SOX5: variants seen among roughly 807,000 people sequenced by gnomAD.
The protein encoded by SOX5 is transcription factor SOX-5.
In SOX5, 9 loss-of-function variants were observed where a neutral mutation model predicts 92.0. The ratio of observed to expected loss-of-function variants is 0.10; its 90% CI spans 0.06 to 0.17. The LOEUF is 0.17. Among genes scored for constraint, SOX5 ranks in the 10% least tolerant of loss-of-function variants. The probability of loss-of-function intolerance (pLI) is 1.00; values close to 1 mark genes in which losing one functional copy is unlikely to be tolerated. For missense variants in SOX5, 642 were observed against 944.5 expected (o/e 0.68, Z 4.20); for synonymous variants, 344 against 336.3 (o/e 1.02, Z -0.25).
chr12:23,924,320 A>T (rs1939321800), intron 1 of SOX5, among the ~76,000 whole-genome samples: 1 of 152,156 alleles, frequency 6.6e-6, no homozygotes, highest in African/African-American at 2.4e-5. Flanking sequence ...CTGTTGTAGC[A>T]ATTCTTCCTG....
intron 11 of SOX5, among the ~76,000 whole-genome samples, chr12:23,560,640 T>C (rs1946047332): frequency 6.6e-6 from 1 of 152,244 alleles, no homozygotes; most frequent in Non-Finnish European, 1.5e-5. Flanking sequence ...GCTCATATTT[T>C]CTGGTTTAAT....
chr12:24,501,110 G>T (rs948218210), intron 1 of SOX5, among the ~76,000 whole-genome samples: 1 of 152,134 alleles, frequency 6.6e-6, no homozygotes, highest in Non-Finnish European at 1.5e-5. Context: ...ATAAAAACAA[G>T]CAAGGCAGAG....
intron 4 of SOX5, among the ~76,000 whole-genome samples, chr12:24,068,812 T>C (rs1223218524): frequency 2.0e-5 from 3 of 148,004 alleles, no homozygotes; most frequent in African/African-American, 5.0e-5. Flanking sequence ...CACCACTATA[T>C]ACATAAGGCA....
At chr12:23,604,134 C>A in intron 9 of SOX5, 1 of 385,276 alleles carries the variant, frequency 2.6e-6, no homozygotes, top group Non-Finnish European at 4.8e-6. Flanking sequence ...ACAAGATACC[C>A]ATCTGATAAT....
chr12:24,470,595 T>C (rs1944707811), intron 1 of SOX5, among the ~76,000 whole-genome samples: 1 of 152,110 alleles, frequency 6.6e-6, no homozygotes, highest in Non-Finnish European at 1.5e-5. Context: ...TCATTTTCAT[T>C]TGGGAAAATT....
chr12:24,124,410 C>G lies in SOX5; in HGVS notation c.-2+88933G>C, dbSNP rs190274937. On this transcript the variant is annotated intron_variant, in intron 4 of 4. Transcript: ENST00000446891. ...AAAACCATTCACGGAGAAGTTCACA[C>G]AAGAGGGTGAAAAGTCAAATGCTTG... 2.0e-5 allele frequency among the ~76,000 whole-genome samples: 3 copies of G among 152,220 alleles called. No individual in the cohort carries two copies. In the East Asian group the frequency reaches 5.8e-4, roughly 29 times the overall value.
At chr12:24,425,969 T>C (rs760143788) in intron 1 of SOX5, among the ~76,000 whole-genome samples, 31 of 152,162 alleles carry the variant, frequency 2.0e-4, no homozygotes, top group Non-Finnish European at 3.4e-4. Flanking sequence ...AGTGCGGTCA[T>C]ATGTTTAGCC....
intron 4 of SOX5, among the ~76,000 whole-genome samples, chr12:24,105,279 G>A (rs1425542686): frequency 1.3e-5 from 2 of 152,060 alleles, no homozygotes; most frequent in South Asian, 2.1e-4. Flanking sequence ...GGTGGCTCAC[G>A]CCTGTAATCC....
At chr12:24,270,078 T>C (rs1486413583) in intron 3 of SOX5, among the ~76,000 whole-genome samples, 8 of 152,030 alleles carry the variant, frequency 5.3e-5, no homozygotes, top group Admixed American at 5.2e-4. Context: ...TTTTCTTTTT[T>C]TGAGACAGAG....
At chr12:23,971,263 C>T (rs1335518158) in intron 4 of SOX5, among the ~76,000 whole-genome samples, 1 of 150,938 alleles carries the variant, frequency 6.6e-6, no homozygotes, top group Non-Finnish European at 1.5e-5. Context: ...GCTGGGACTA[C>T]AGGTGCCCGC....
chr12:24,181,286 G>A (rs1340629883), intron 4 of SOX5, among the ~76,000 whole-genome samples: 1 of 152,158 alleles, frequency 6.6e-6, no homozygotes, highest in Non-Finnish European at 1.5e-5. Flanking sequence ...CTTAACTTTG[G>A]TTGGATTCTC....
chr12:24,158,439 GA>G (rs1011111055), intron 4 of SOX5, among the ~76,000 whole-genome samples: 2 of 151,580 alleles, frequency 1.3e-5, no homozygotes, highest in South Asian at 2.1e-4. Flanking sequence ...ATACATATTT[GA>G]AAAAAAGTCT....
intron 4 of SOX5, among the ~76,000 whole-genome samples, chr12:23,983,181 G>C (rs1348918889): frequency 6.6e-6 from 1 of 151,612 alleles, no homozygotes; most frequent in African/African-American, 2.4e-5. Flanking sequence ...TTAAAAATGG[G>C]CAGATGCCAT....
intron 7 of SOX5, among the ~76,000 whole-genome samples, chr12:23,643,557 T>C (rs374397489): frequency 9.9e-5 from 15 of 152,184 alleles, no homozygotes; most frequent in Admixed American, 2.6e-4. Context: ...GAGTTAACCA[T>C]AGATTAAAAA....
rs146301624 is a variant in SOX5 at position 24,440,191 on chromosome 12, T to C, written c.-250-71552A>G. On this transcript the variant is annotated intron_variant, in intron 1 of 4. Transcript: ENST00000446891. ...CTGGCTCTTATGGTTTAAATTTGGA[T>C]GGGTGCCTCAGAGATTAGCCTCACA... Among the ~76,000 whole-genome samples, 202 of 152,308 alleles carry C rather than the reference T, an allele frequency of 1.3e-3. 1 individual carries two copies. The highest frequency in any genetic ancestry group is 4.5e-3 in the African/African-American group (187 of 41,576).
intron 2 of SOX5, among the ~76,000 whole-genome samples, chr12:23,873,172 C>G (rs1386380869): frequency 6.6e-6 from 1 of 152,122 alleles, no homozygotes; most frequent in Non-Finnish European, 1.5e-5. Flanking sequence ...AAATCATTAT[C>G]TCTGATCACT....
chr12:23,563,296 C>T lies in SOX5; in HGVS notation c.1450G>A (p.Val484Met). Reference sequence around the variant, plus strand: ...CAGTTATTGAGACCCAGACTATTCACAACAGCCACCTTCCCATCAAGCACC... The same window carrying T: ...CAGTTATTGAGACCCAGACTATTCATAACAGCCACCTTCCCATCAAGCACC... ...QQVLDGKVAV[V>M]NSLGLNNCRT... is the part of the protein sequence containing the mutation. Residue 484 changes from valine (V) to methionine (M), a missense_variant, in exon 11 of 15, where the codon GTG (valine) becomes ATG (methionine). Val to Met is a conservative substitution (Grantham distance 21). This residue lies in a region of SOX5 where 324 missense variants were observed against 461.6 expected (regional missense o/e 0.70). Coordinates refer to ENST00000451604, the MANE Select transcript of SOX5 (RefSeq NM_006940.6). The T allele has an allele frequency of 2.5e-6, 4 of 1,614,034 alleles. No individual in the cohort carries two copies. The highest frequency in any genetic ancestry group is 3.4e-6 in the Non-Finnish European group (4 of 1,179,928).
At chr12:23,815,576 C>T (rs1433356097) in intron 3 of SOX5, among the ~76,000 whole-genome samples, 1 of 152,050 alleles carries the variant, frequency 6.6e-6, no homozygotes, top group Non-Finnish European at 1.5e-5. Context: ...AACTACAAAA[C>T]TTTTTAAAGT....
At chr12:24,353,289 G>C (rs776741243) in intron 2 of SOX5, among the ~76,000 whole-genome samples, 1 of 152,110 alleles carries the variant, frequency 6.6e-6, no homozygotes, top group African/African-American at 2.4e-5. Context: ...CCCTTTACTC[G>C]AACAACTGGG....
Sources: allele counts gnomAD v4.1 joint callset (sites outside exome capture counted in the v4.1 genomes callset), GRCh38; gene constraint gnomAD v4.1.1; regional missense constraint gnomAD v4.1.1; transcripts MANE v1.5; gene names NCBI Gene and HGNC (gene_info 2026-07-23, HGNC 2026-07-21).